The following CDH13 variants were observed in gnomAD, a reference collection of about 807,000 sequenced individuals.
The protein encoded by CDH13 is cadherin 13.
In CDH13, 24 loss-of-function variants were observed where a neutral mutation model predicts 63.8. The ratio of observed to expected loss-of-function variants is 0.38; its 90% CI spans 0.27 to 0.53. The LOEUF is 0.53. Ranked by LOEUF, CDH13 falls within the 20% of genes least tolerant of loss-of-function variation. CDH13 has a pLI of 0.85. For missense variants in CDH13, 1,049 were observed against 903.1 expected (o/e 1.16, Z -2.07); for synonymous variants, 503 against 355.3 (o/e 1.42, Z -4.67).
At chr16:83,108,954 C>A (rs1243447165) in intron 3 of CDH13, among the ~76,000 whole-genome samples, 1 of 152,150 alleles carries the variant, frequency 6.6e-6, no homozygotes, top group Admixed American at 6.5e-5. Flanking sequence ...CTCATCAGCT[C>A]CCTTCCCCTC....
intron 2 of CDH13, chr16:82,954,622 T>C (rs1413297457): frequency 6.6e-6 from 1 of 152,150 alleles, no homozygotes; most frequent in Non-Finnish European, 1.5e-5. Flanking sequence ...ACAACAGCTT[T>C]ATTGAGATAT....
chr16:82,888,303 G>C (rs1307513943), intron 2 of CDH13, among the ~76,000 whole-genome samples: 1 of 152,220 alleles, frequency 6.6e-6, no homozygotes, highest in Admixed American at 6.5e-5. Context: ...AAGGCAAAAG[G>C]TTTGATCTGG....
chr16:83,189,998 C>T (rs954502958), intron 4 of CDH13, among the ~76,000 whole-genome samples: 12 of 152,152 alleles, frequency 7.9e-5, no homozygotes, highest in Admixed American at 1.3e-4. Flanking sequence ...ATTCACCTTC[C>T]GGCATGATTG....
At chr16:83,076,495 T>C (rs1241886397) in intron 3 of CDH13, among the ~76,000 whole-genome samples, 1 of 152,150 alleles carries the variant, frequency 6.6e-6, no homozygotes, top group Non-Finnish European at 1.5e-5. Flanking sequence ...AACCGTGACG[T>C]TTCCAGTATT....
chr16:83,379,006 T>TATATATACACACACAC (rs540642910), intron 6 of CDH13, among the ~76,000 whole-genome samples: 3 of 149,030 alleles, frequency 2.0e-5, no homozygotes, highest in Non-Finnish European at 4.5e-5. Flanking sequence ...TATATATATA[T>TATATATACACACACAC]ACACACACAC....
At chr16:83,163,056 G>A (rs750293292) in intron 4 of CDH13, among the ~76,000 whole-genome samples, 6 of 152,050 alleles carry the variant, frequency 3.9e-5, no homozygotes, top group Non-Finnish European at 7.4e-5. Flanking sequence ...TGCTGTTCTT[G>A]TGATAGTGAA....
chr16:82,694,372 C>T (rs1276955463), intron 1 of CDH13, among the ~76,000 whole-genome samples: 2 of 152,200 alleles, frequency 1.3e-5, no homozygotes, highest in African/African-American at 4.8e-5. Flanking sequence ...ATGGACTGCT[C>T]ACTATCACTG....
intron 6 of CDH13, among the ~76,000 whole-genome samples, chr16:83,408,713 G>A (rs932276768): frequency 6.6e-6 from 1 of 152,192 alleles, no homozygotes; most frequent in African/African-American, 2.4e-5. Context: ...TGTAGTAGTT[G>A]TCATTTGAAA....
At chr16:83,073,443 T>G (rs527771657) in intron 3 of CDH13, among the ~76,000 whole-genome samples, 1 of 151,764 alleles carries the variant, frequency 6.6e-6, no homozygotes, top group East Asian at 1.9e-4. Context: ...ATCTTGACCT[T>G]TTTCTGTATT....
intron 8 of CDH13, among the ~76,000 whole-genome samples, chr16:83,663,296 A>C (rs1913612298): frequency 6.6e-6 from 1 of 152,174 alleles, no homozygotes; most frequent in African/African-American, 2.4e-5. Flanking sequence ...TAGGTCCCTC[A>C]AATGTTTTAT....
intron 7 of CDH13, among the ~76,000 whole-genome samples, chr16:83,494,870 T>G (rs532641681): frequency 1.6e-4 from 24 of 152,332 alleles, no homozygotes; most frequent in African/African-American, 5.3e-4. Context: ...GTTGAACACT[T>G]TGGGGTTCTA....
At chr16:83,391,024 A>C (rs1285985546) in intron 6 of CDH13, among the ~76,000 whole-genome samples, 1 of 152,108 alleles carries the variant, frequency 6.6e-6, no homozygotes, top group Non-Finnish European at 1.5e-5. Flanking sequence ...TACAAAGTAC[A>C]ACGAACAGTA....
chr16:83,402,162 A>G (rs2091978452), intron 6 of CDH13, among the ~76,000 whole-genome samples: 1 of 152,044 alleles, frequency 6.6e-6, no homozygotes, highest in Non-Finnish European at 1.5e-5. Flanking sequence ...TAGTATTATT[A>G]TTATTGTTGT....
intron 11 of CDH13, among the ~76,000 whole-genome samples, chr16:83,763,083 A>G (rs1421968283): frequency 1.3e-5 from 2 of 152,172 alleles, no homozygotes; most frequent in African/African-American, 4.8e-5. Context: ...ATTTCCATTT[A>G]AAAGAACGGG....
chr16:83,663,426 C>T (rs1161670614), intron 8 of CDH13, among the ~76,000 whole-genome samples: 1 of 152,156 alleles, frequency 6.6e-6, no homozygotes, highest in African/African-American at 2.4e-5. Context: ...ACAGTTGAGT[C>T]CACTTTCCTT....
intron 8 of CDH13, among the ~76,000 whole-genome samples, chr16:83,643,438 G>T (rs538201026): frequency 6.6e-6 from 1 of 152,004 alleles, no homozygotes; most frequent in Non-Finnish European, 1.5e-5. Flanking sequence ...TCTGTCTCAC[G>T]ATTTGTATCT....
chr16:82,907,111 C>G (rs751070430), intron 2 of CDH13, among the ~76,000 whole-genome samples: 30 of 152,146 alleles, frequency 2.0e-4, no homozygotes, highest in Non-Finnish European at 8.8e-5. Context: ...TATTCAAGGC[C>G]TACTCCATAA....
At chr16:83,419,346 T>A (rs1050194131) in intron 6 of CDH13, among the ~76,000 whole-genome samples, 1 of 152,194 alleles carries the variant, frequency 6.6e-6, no homozygotes, top group African/African-American at 2.4e-5. Context: ...GCCACACATA[T>A]AAGACATCAG....
chr16:83,732,887 T>A (rs1911175376), intron 10 of CDH13, among the ~76,000 whole-genome samples: 1 of 152,174 alleles, frequency 6.6e-6, no homozygotes, highest in South Asian at 2.1e-4. Flanking sequence ...CACATTGACT[T>A]TTCTGCCCAT....
Sources: gnomAD v4.1 joint callset for allele counts (sites outside exome capture counted in the v4.1 genomes callset) on GRCh38, gnomAD v4.1.1 for gene constraint, MANE v1.5 for transcripts, NCBI Gene and HGNC (gene_info 2026-07-23, HGNC 2026-07-21) for gene names.